CTSS: variants seen among roughly 807,000 people sequenced by gnomAD.
The protein encoded by CTSS is cathepsin S.
CTSS carries 15 observed loss-of-function variants against 39.9 expected under a neutral mutation model. That is an observed-to-expected ratio of 0.38 (90% CI 0.25 to 0.58). The LOEUF is 0.58. Among genes scored for constraint, CTSS ranks in the 20% least tolerant of loss-of-function variants. The pLI, the probability that CTSS is intolerant of heterozygous loss-of-function variation, is 0.70. For synonymous variants in CTSS, 126 were observed against 138.2 expected (o/e 0.91, Z 0.62); for missense variants, 250 against 398.2 (o/e 0.63, Z 3.17).
chr1:150,733,139 G>T lies in CTSS; in HGVS notation c.903C>A (p.Gly301=). 1 of 1,609,394 alleles carries T rather than the reference G, an allele frequency of 6.2e-7. No homozygotes were observed. The highest frequency in any genetic ancestry group is 8.5e-7 in the Non-Finnish European group (1 of 1,177,686). Residue 301 remains glycine, a synonymous_variant, in exon 8 of 8, where the codon GGC becomes GGA. Transcript: ENST00000368985. ...KEYWLVKNSW[G]HNFGEEGYIR... is the part of the protein sequence containing the mutation. ...TATATCCTTCTTCACCAAAGTTGTG[G>T]CCCCAGCTTTAGAAAAAGAAATAAT...
intron 2 of CTSS, among the ~76,000 whole-genome samples, chr1:150,761,608 G>A (rs894784211): frequency 5.9e-5 from 9 of 152,112 alleles, no homozygotes; most frequent in African/African-American, 2.2e-4. Context: ...GCACATGCCT[G>A]TAATCCCAGC....
chr1:150,731,215 CT>C lies in CTSS; in HGVS notation c.*1830del, dbSNP rs1254758779. The C allele has an allele frequency of 6.6e-6, 1 of 152,176 alleles. No individual in the cohort carries two copies. The highest frequency in any genetic ancestry group is 2.4e-5 in the African/African-American group (1 of 41,424). 9.4% of individuals were successfully genotyped at this position (152,176 alleles called of 1,614,324 possible). A position where few individuals can be genotyped will look rare whatever the true frequency, so the allele number is the denominator to read the frequency against. ...CCAGCCTGGCTAATGTGGCAAAACC[CT>C]GTCTTTACTAAAAATACAAAAATTA... On this transcript the variant is annotated 3_prime_UTR_variant, in exon 8 of 8. Coordinates refer to ENST00000368985, the MANE Select transcript of CTSS (RefSeq NM_004079.5).
In CTSS at chr1:150,750,138, CA is replaced by C; in HGVS notation, c.660del (p.Ala221LeufsTer18). ...DQKCQYDSKY[R>X]AATCSKYTEL... The stretch of plus-strand genomic sequence containing the variant: ...TCAGTGTACTTTGAACATGTGGCAG[CA>C]CGATATTTTGAGTCATATTGACATT... On this transcript the variant is annotated frameshift_variant, in exon 6 of 8. Coordinates refer to ENST00000368985, the MANE Select transcript of CTSS (RefSeq NM_004079.5). LOFTEE classifies it high-confidence loss of function. 1 of 1,612,918 alleles carries C rather than the reference CA, an allele frequency of 6.2e-7. No individual in the cohort carries two copies. The highest frequency in any genetic ancestry group is 8.5e-7 in the Non-Finnish European group (1 of 1,179,230).
At chr1:150,735,292 A>G (rs951683478) in intron 7 of CTSS, among the ~76,000 whole-genome samples, 1 of 152,212 alleles carries the variant, frequency 6.6e-6, no homozygotes, top group African/African-American at 2.4e-5. Flanking sequence ...TAAATATTCT[A>G]TGTATCAGCC....
intron 4 of CTSS, 47 bp from the exon 5 acceptor site, chr1:150,752,055 G>A (rs114408398): frequency 0.014 from 22,433 of 1,596,736 alleles, 201 homozygotes; most frequent in Non-Finnish European, 0.016. Context: ...AAAATCATTC[G>A]GAATGACTTC....
intron 7 of CTSS, among the ~76,000 whole-genome samples, chr1:150,735,673 C>CG (rs1381091158): frequency 6.6e-6 from 1 of 151,874 alleles, no homozygotes; most frequent in Non-Finnish European, 1.5e-5. Context: ...ACTGCAGCTT[C>CG]GACCTCCTGT....
chr1:150,755,413 A>G (rs1412870214), intron 3 of CTSS, among the ~76,000 whole-genome samples: 2 of 152,204 alleles, frequency 1.3e-5, no homozygotes, highest in Non-Finnish European at 2.9e-5. Flanking sequence ...ATATCTAAAC[A>G]TAGAAAAGGT....
At chr1:150,753,366 A>G (rs983061539) in intron 4 of CTSS, among the ~76,000 whole-genome samples, 4 of 152,186 alleles carry the variant, frequency 2.6e-5, no homozygotes, top group Non-Finnish European at 5.9e-5. Context: ...CAAGGCACAT[A>G]TTTCATATTC....
At chr1:150,752,086 G>T in intron 4 of CTSS, 78 bp from the exon 5 acceptor site, 1 of 1,417,342 alleles carries the variant, frequency 7.1e-7, no homozygotes, top group Non-Finnish European at 9.8e-7. Context: ...ACTGGACAAC[G>T]CTCAGCTACA....
chr1:150,733,825 A>C (rs1300869548), intron 7 of CTSS, among the ~76,000 whole-genome samples: 1 of 152,254 alleles, frequency 6.6e-6, no homozygotes, highest in African/African-American at 2.4e-5. Flanking sequence ...TTAATTAGCC[A>C]GGCATGGTGG....
intron 3 of CTSS, among the ~76,000 whole-genome samples, chr1:150,755,787 A>G (rs1157082857): frequency 6.6e-6 from 1 of 152,024 alleles, no homozygotes; most frequent in Admixed American, 6.6e-5. Flanking sequence ...TAGGTCATTT[A>G]CTATGAAAGG....
At position 150,731,824 on chromosome 1, in the gene CTSS, T is replaced by C. The variant is rs942382213; in HGVS notation, c.*1222A>G. 1 of 152,206 alleles carries C rather than the reference T, an allele frequency of 6.6e-6. No homozygotes were observed. Among genetic ancestry groups the C allele is most frequent in the African/African-American group, 2.4e-5 (1 of 41,448 alleles). The allele number at this position is 152,206 out of a possible 1,614,324, so 9.4% of individuals were successfully genotyped here. A position where few individuals can be genotyped will look rare whatever the true frequency, so the allele number is the denominator to read the frequency against. The stretch of plus-strand genomic sequence containing the variant: ...GTAAAAATAATTTGGACTAATACAT[T>C]AAATTGTTGATCATTAAAATAATTC... On this transcript the variant is annotated 3_prime_UTR_variant, in exon 8 of 8. Transcript: ENST00000368985.
At chr1:150,760,454 G>GGTA (rs1403424404) in intron 2 of CTSS, among the ~76,000 whole-genome samples, 3 of 152,070 alleles carry the variant, frequency 2.0e-5, no homozygotes, top group African/African-American at 7.2e-5. Flanking sequence ...AAAAGACAAG[G>GGTA]GTACCCACTC....
chr1:150,765,101 C>CTCTCA (rs753088029), intron 1 of CTSS, among the ~76,000 whole-genome samples: 197 of 132,304 alleles, frequency 1.5e-3, no homozygotes, highest in Admixed American at 3.6e-3. Flanking sequence ...CTCTCTCTCT[C>CTCTCA]AAAAAAAAAA....
chr1:150,743,609 A>AC (rs1476563806), intron 7 of CTSS, among the ~76,000 whole-genome samples: 7 of 109,738 alleles, frequency 6.4e-5, no homozygotes, highest in Admixed American at 2.4e-4. Context: ...TACATAATAT[A>AC]TTATATATGT....
rs770412669 is a variant in CTSS at position 150,750,079 on chromosome 1, T to A, written c.720A>T (p.Glu240Asp). Residue 240 changes from glutamate (E) to aspartate (D), a missense_variant, in exon 6 of 8, where the codon GAA (glutamate) becomes GAT (aspartate). By Grantham distance (45) the Glu-to-Asp change is conservative (BLOSUM62 2). Coordinates refer to ENST00000368985, the MANE Select transcript of CTSS (RefSeq NM_004079.5). ...LPYGREDVLK[E>D]AVANKGPVSV... ...ACACTGGGCCTTTATTGGCCACAGC[T>A]TCTTTCAGGACATCTTCTCTGCCAT... The A allele has an allele frequency of 1.2e-6, 2 of 1,614,096 alleles. No homozygotes were observed. The highest frequency in any genetic ancestry group is 2.2e-5 in the South Asian group (2 of 91,072).
chr1:150,747,820 A>G lies in CTSS; in HGVS notation c.853T>C (p.Tyr285His). Residue 285 changes from tyrosine to histidine, a missense_variant, in exon 7 of 8, where the codon TAT becomes CAT. By Grantham distance (83) the Tyr-to-His change is moderately conservative (BLOSUM62 2). Coordinates refer to ENST00000368985, the MANE Select transcript of CTSS (RefSeq NM_004079.5). ...NVNHGVLVVG[Y>H]GDLNGKEYWL... ...TATTCTTTCCCATTAAGATCACCAT[A>G]GCCAACCACAAGTACACCATGATTC... The G allele has an allele frequency of 6.2e-7, 1 of 1,613,880 alleles. No homozygotes were observed. The highest frequency in any genetic ancestry group is 2.2e-5 in the East Asian group (1 of 44,848).
At chr1:150,736,694 A>G (rs1001459665) in intron 7 of CTSS, among the ~76,000 whole-genome samples, 1 of 152,080 alleles carries the variant, frequency 6.6e-6, no homozygotes, top group South Asian at 2.1e-4. Context: ...ACCAAGATCA[A>G]TTGCCCCCAG....
intron 4 of CTSS, among the ~76,000 whole-genome samples, chr1:150,752,376 C>T (rs1653025611): frequency 6.6e-6 from 1 of 152,158 alleles, no homozygotes; most frequent in African/African-American, 2.4e-5. Context: ...AGGATGATTT[C>T]CTTGACCTAA....
Sources: allele counts gnomAD v4.1 joint callset (sites outside exome capture counted in the v4.1 genomes callset), GRCh38; gene constraint gnomAD v4.1.1; transcripts MANE v1.5; gene names NCBI Gene and HGNC (gene_info 2026-07-23, HGNC 2026-07-21).